Variants in ATRNL1 observed in about 807,000 individuals in gnomAD.
ATRNL1 encodes the protein attractin-like protein 1.
ATRNL1 carries 95 observed loss-of-function variants against 182.7 expected under a neutral mutation model. The observed-to-expected ratio is 0.52, with a 90% CI of 0.44 to 0.62. The LOEUF (loss-of-function observed/expected upper bound fraction) is 0.62. Ranked by LOEUF, ATRNL1 falls within the 20% of genes least tolerant of loss-of-function variation. The pLI, the probability that ATRNL1 is intolerant of heterozygous loss-of-function variation, is 0.00. For missense variants in ATRNL1, 1,471 were observed against 1,679.5 expected (o/e 0.88, Z 2.17); for synonymous variants, 576 against 568.3 (o/e 1.01, Z -0.19).
chr10:115,522,592 C>T (rs772849880), intron 25 of ATRNL1, among the ~76,000 whole-genome samples: 52 of 152,282 alleles, frequency 3.4e-4, no homozygotes, highest in Non-Finnish European at 6.3e-4. Context: ...CCCCTCAAAT[C>T]CCTGGTGTTC....
chr10:115,749,051 C>A (rs2134114843), intron 27 of ATRNL1, among the ~76,000 whole-genome samples: 1 of 151,876 alleles, frequency 6.6e-6, no homozygotes, highest in Admixed American at 6.6e-5. Context: ...CTGTAAATCT[C>A]TCAAGATGAA....
chr10:115,926,649 A>G (rs542098926), intron 28 of ATRNL1, among the ~76,000 whole-genome samples: 1 of 152,304 alleles, frequency 6.6e-6, no homozygotes, highest in South Asian at 2.1e-4. Flanking sequence ...CAAATAAACT[A>G]GAAAATCTAG....
intron 21 of ATRNL1, among the ~76,000 whole-genome samples, chr10:115,428,177 G>A (rs1554963319): frequency 6.6e-6 from 1 of 151,838 alleles, no homozygotes; most frequent in Non-Finnish European, 1.5e-5. Context: ...TATTGATAAT[G>A]TTAGCTTAAA....
intron 8 of ATRNL1, among the ~76,000 whole-genome samples, chr10:115,180,224 G>T (rs1183744551): frequency 7.9e-5 from 12 of 151,796 alleles, no homozygotes; most frequent in African/African-American, 2.9e-4. Flanking sequence ...CTGAAATCCA[G>T]AAATTCTTAT....
intron 7 of ATRNL1, among the ~76,000 whole-genome samples, chr10:115,166,407 G>C (rs1163819308): frequency 6.7e-6 from 1 of 149,436 alleles, no homozygotes; most frequent in Non-Finnish European, 1.5e-5. Context: ...ATTTTTTTTT[G>C]GTGTATACCC....
At chr10:115,724,668 C>T (rs773891208) in intron 26 of ATRNL1, among the ~76,000 whole-genome samples, 2 of 151,802 alleles carry the variant, frequency 1.3e-5, no homozygotes, top group Non-Finnish European at 2.9e-5. Flanking sequence ...AAGGTATAGG[C>T]GTAGTGTAGG....
intron 26 of ATRNL1, among the ~76,000 whole-genome samples, chr10:115,656,379 C>G (rs868931584): frequency 3.3e-4 from 50 of 152,144 alleles, no homozygotes; most frequent in African/African-American, 1.0e-3. Flanking sequence ...AGAGTTTGCA[C>G]ATTCTCCCCA....
At chr10:115,874,899 C>T (rs1296310883) in intron 28 of ATRNL1, among the ~76,000 whole-genome samples, 1 of 152,170 alleles carries the variant, frequency 6.6e-6, no homozygotes, top group Admixed American at 6.5e-5. Context: ...GATTTCTGAG[C>T]AGGGATCCAA....
At chr10:115,492,182 A>T (rs75360692) in intron 24 of ATRNL1, among the ~76,000 whole-genome samples, 50 of 152,244 alleles carry the variant, frequency 3.3e-4, no homozygotes, top group Admixed American at 7.2e-4. Context: ...AGCAGTTCCT[A>T]TATGGCCATC....
At chr10:115,303,601 CAAAT>C (rs1328095726) in intron 17 of ATRNL1, among the ~76,000 whole-genome samples, 22 of 152,154 alleles carry the variant, frequency 1.4e-4, no homozygotes, top group African/African-American at 5.3e-4. Flanking sequence ...TCCAAACAGA[CAAAT>C]AAAATCAGAA....
At position 115,784,994 on chromosome 10, in the gene ATRNL1, C is replaced by T. The variant is rs141806015; in HGVS notation, c.3903+57639C>T. Among the ~76,000 whole-genome samples, 21 of 152,224 alleles carry T rather than the reference C, an allele frequency of 1.4e-4. No individual in the cohort carries two copies. The East Asian group carries it at 1.9e-3, about 14-fold the overall frequency. Reference sequence around the variant, plus strand: ...ACATTTGCCCCATTTCAACATCCTCCGAAGTCTCTTAACCCATTCCAGCAT... The same window carrying T: ...ACATTTGCCCCATTTCAACATCCTCTGAAGTCTCTTAACCCATTCCAGCAT... On this transcript the variant is annotated intron_variant, in intron 27 of 28. Coordinates refer to ENST00000355044, the MANE Select transcript of ATRNL1 (RefSeq NM_207303.4).
At chr10:115,505,877 G>A (rs1850087125) in intron 24 of ATRNL1, among the ~76,000 whole-genome samples, 1 of 151,482 alleles carries the variant, frequency 6.6e-6, no homozygotes, top group African/African-American at 2.4e-5. Context: ...AGGAGAAATT[G>A]CTGCTATTTC....
chr10:115,512,903 C>G (rs569849077), intron 24 of ATRNL1, among the ~76,000 whole-genome samples: 21 of 152,064 alleles, frequency 1.4e-4, no homozygotes, highest in Non-Finnish European at 2.8e-4. Context: ...GAATGATTCT[C>G]CTTTGTGCTT....
intron 9 of ATRNL1, among the ~76,000 whole-genome samples, chr10:115,230,892 AGAGAGAGAGAGAGAGAGAGAG>A (rs1849901684): frequency 7.0e-6 from 1 of 143,784 alleles, no homozygotes; most frequent in African/African-American, 2.6e-5. Context: ...AGAGAGAGAG[AGAGAGAGAGAGAGAGAGAGAG>A]AGAGAGAGAA....
At chr10:115,388,024 G>A (rs1423590928) in intron 19 of ATRNL1, among the ~76,000 whole-genome samples, 1 of 152,168 alleles carries the variant, frequency 6.6e-6, no homozygotes, top group Non-Finnish European at 1.5e-5. Context: ...ATGTTTTCCT[G>A]TGACATAATG....
chr10:115,647,299 C>T (rs1330344594), intron 26 of ATRNL1, among the ~76,000 whole-genome samples: 3 of 152,086 alleles, frequency 2.0e-5, no homozygotes, highest in Non-Finnish European at 1.5e-5. Flanking sequence ...ATTTGTAATC[C>T]TTTGGGTATA....
At chr10:115,687,198 T>C (rs1237009529) in intron 26 of ATRNL1, among the ~76,000 whole-genome samples, 2 of 152,080 alleles carry the variant, frequency 1.3e-5, no homozygotes, top group East Asian at 3.9e-4. Flanking sequence ...TTGTGTTGTA[T>C]AGTAGGTCTC....
At chr10:115,186,266 T>C (rs781841847) in intron 8 of ATRNL1, among the ~76,000 whole-genome samples, 23 of 151,518 alleles carry the variant, frequency 1.5e-4, no homozygotes, top group Non-Finnish European at 2.7e-4. Flanking sequence ...GGTGGGAATG[T>C]AAATTAGTAC....
chr10:115,332,170 G>T (rs1337658929), intron 18 of ATRNL1, among the ~76,000 whole-genome samples: 1 of 152,180 alleles, frequency 6.6e-6, no homozygotes, highest in East Asian at 1.9e-4. Flanking sequence ...TTCCTCTTTT[G>T]AGTGTAGAAT....
Sources: gnomAD v4.1 joint callset for allele counts (sites outside exome capture counted in the v4.1 genomes callset) on GRCh38, gnomAD v4.1.1 for gene constraint, MANE v1.5 for transcripts, NCBI Gene and HGNC (gene_info 2026-07-23, HGNC 2026-07-21) for gene names.